The following MAP3K7CL variants were observed in gnomAD, a reference collection of about 807,000 sequenced individuals.
MAP3K7CL encodes the protein MAP3K7 C-terminal like, also known as MAP3K7 C-terminal-like protein.
Under a neutral mutation model 18.6 loss-of-function variants are expected in MAP3K7CL, and 16 were observed. The ratio of observed to expected loss-of-function variants is 0.86; its 90% CI spans 0.58 to 1.31. The LOEUF is 1.31. Ranked by LOEUF, MAP3K7CL falls within the 50% of genes most tolerant of loss-of-function variation. The probability of loss-of-function intolerance (pLI) is 0.00; values close to 1 mark genes in which losing one functional copy is unlikely to be tolerated. For synonymous variants in MAP3K7CL, 65 were observed against 66.8 expected (o/e 0.97, Z 0.13); for missense variants, 163 against 174.4 (o/e 0.93, Z 0.37).
At chr21:29,167,693 A>ATTTTTTTTTTTTTTT (rs35549023) in intron 4 of MAP3K7CL, among the ~76,000 whole-genome samples, 2 of 107,522 alleles carry the variant, frequency 1.9e-5, no homozygotes, top group Non-Finnish European at 3.6e-5. Flanking sequence ...AGAAGGACCA[A>ATTTTTTTTTTTTTTT]TTTTTTTTTT....
At chr21:29,156,017 A>G (rs2087396215) in intron 3 of MAP3K7CL, among the ~76,000 whole-genome samples, 1 of 152,214 alleles carries the variant, frequency 6.6e-6, no homozygotes, top group South Asian at 2.1e-4. Context: ...TTATTCTTCA[A>G]TTTATCAACT....
chr21:29,142,645 G>A (rs917626064), intron 2 of MAP3K7CL, among the ~76,000 whole-genome samples: 2 of 152,102 alleles, frequency 1.3e-5, no homozygotes, highest in African/African-American at 4.8e-5. Context: ...TTACTCCTTT[G>A]GTTGGCTTTA....
intron 4 of MAP3K7CL, among the ~76,000 whole-genome samples, chr21:29,168,438 G>A (rs908512052): frequency 6.6e-5 from 10 of 152,216 alleles, no homozygotes; most frequent in African/African-American, 2.2e-4. Context: ...GCCTGCCTCA[G>A]TTCTTTACTT....
intron 2 of MAP3K7CL, among the ~76,000 whole-genome samples, chr21:29,138,841 TG>T (rs2086940487): frequency 6.6e-6 from 1 of 152,044 alleles, no homozygotes; most frequent in Non-Finnish European, 1.5e-5. Context: ...AAGCCAGGTG[TG>T]GTGGTGCATG....
Position 29,092,992 on chromosome 21 carries a change from C to T in MAP3K7CL, c.370+411C>T, listed in dbSNP as rs1002254613. 3.3e-5 allele frequency among the ~76,000 whole-genome samples: 5 copies of T among 152,198 alleles called. No individual in the cohort carries two copies. The South Asian group carries it at 1.0e-3, about 32-fold the overall frequency. ...GATCTCAGCTCACTGCCACCTCCAC[C>T]TCCTGGGTTCAAGCGATTCTCCTGC... is the stretch of plus-strand genomic sequence containing the variant. On this transcript the variant is annotated intron_variant, in intron 4 of 6. Transcript: ENST00000286791.
At chr21:29,092,303 A>ACT in intron 3 of MAP3K7CL, 6 of 951,488 alleles carry the variant, frequency 6.3e-6, no homozygotes, top group Non-Finnish European at 9.0e-6. Context: ...CCAGATTTAA[A>ACT]CCATTAACAA....
intron 4 of MAP3K7CL, among the ~76,000 whole-genome samples, chr21:29,125,411 G>T (rs917024725): frequency 6.6e-6 from 1 of 152,132 alleles, no homozygotes; most frequent in Non-Finnish European, 1.5e-5. Flanking sequence ...ACCATTGAGT[G>T]GTTCAGTGGT....
At chr21:29,114,188 C>T (rs9984166) in intron 4 of MAP3K7CL, among the ~76,000 whole-genome samples, 67,761 of 151,370 alleles carry the variant, frequency 0.45, 15,348 homozygotes, top group East Asian at 0.63. Context: ...CATGTCTCAG[C>T]CTCCCAAGTA....
rs570117201 is a variant in MAP3K7CL at position 29,135,830 on chromosome 21, A to T, written c.70+2416A>T. On this transcript the variant is annotated intron_variant, in intron 2 of 4. Coordinates refer to ENST00000399928, the MANE Select transcript of MAP3K7CL (RefSeq NM_001286620.2). Reference sequence around the variant, plus strand: ...TCAAAAAAGGATTATAATTTATTTTAAATTATTCCTACCCTCTAGCCCCAC... The same window carrying T: ...TCAAAAAAGGATTATAATTTATTTTTAATTATTCCTACCCTCTAGCCCCAC... Among the ~76,000 whole-genome samples, 6 of 152,310 alleles carry T rather than the reference A, an allele frequency of 3.9e-5. No homozygotes were observed. In the East Asian group the frequency reaches 7.7e-4, roughly 20 times the overall value.
At chr21:29,080,382 T>A (rs2085816221) in intron 1 of MAP3K7CL, among the ~76,000 whole-genome samples, 1 of 152,260 alleles carries the variant, frequency 6.6e-6, no homozygotes, top group Non-Finnish European at 1.5e-5. Flanking sequence ...TGTTTTGGCA[T>A]TTCTGCCATA....
intron 2 of MAP3K7CL, among the ~76,000 whole-genome samples, chr21:29,141,083 G>A: frequency 6.6e-6 from 1 of 152,154 alleles, no homozygotes; most frequent in Non-Finnish European, 1.5e-5. Flanking sequence ...GCCCCAATAA[G>A]TTCTTCTTGA....
At chr21:29,144,347 TGGA>T (rs2087078156) in intron 2 of MAP3K7CL, among the ~76,000 whole-genome samples, 1 of 152,138 alleles carries the variant, frequency 6.6e-6, no homozygotes, top group Non-Finnish European at 1.5e-5. Flanking sequence ...GTATTTTTAG[TGGA>T]GACAGGTTTT....
chr21:29,089,168 CAAAAAAAAAAAAAAAAA>C (rs748166183), intron 1 of MAP3K7CL, among the ~76,000 whole-genome samples: 2,966 of 68,644 alleles, frequency 0.043, 85 homozygotes, highest in Middle Eastern at 0.062. Context: ...GACTCCGTCT[CAAAAAAAAAAAAAAAAA>C]AAAAAAAAAA....
upstream of MAP3K7CL, among the ~76,000 whole-genome samples, chr21:29,126,287 A>G (rs1237736030): frequency 6.6e-6 from 1 of 152,176 alleles, no homozygotes; most frequent in East Asian, 1.9e-4. Context: ...TGTTTTTGGA[A>G]CACAGCCATG....
chr21:29,107,957 A>T (rs1361633198), intron 4 of MAP3K7CL, among the ~76,000 whole-genome samples: 1 of 152,234 alleles, frequency 6.6e-6, no homozygotes, highest in African/African-American at 2.4e-5. Context: ...AAGTTCAGAA[A>T]TGTATTTTGC....
chr21:29,150,244 G>T (rs980240680), intron 3 of MAP3K7CL, among the ~76,000 whole-genome samples: 4 of 152,142 alleles, frequency 2.6e-5, no homozygotes, highest in East Asian at 3.9e-4. Flanking sequence ...GAGCCCTTCC[G>T]CAAGCCAAGA....
At position 29,096,301 on chromosome 21, in the gene MAP3K7CL, A is replaced by C. The variant is rs4817264; in HGVS notation, c.370+3720A>C. On this transcript the variant is annotated intron_variant, in intron 4 of 6. Coordinates refer to the MAP3K7CL transcript ENST00000286791. Reference sequence around the variant, plus strand: ...CAAGCACTATTCTAGGTGCTGGGGAATATATCAGTGAATAAGACAGATGCA... The same window carrying C: ...CAAGCACTATTCTAGGTGCTGGGGACTATATCAGTGAATAAGACAGATGCA... Among the ~76,000 whole-genome samples the C allele has an allele frequency of 6.4e-3, 972 of 152,362 alleles. 34 individuals carry two copies. Among genetic ancestry groups the C allele is most frequent in the Admixed American group, 0.05 (768 of 15,306 alleles).
At chr21:29,109,390 AGCTTT>A in intron 4 of MAP3K7CL, 1 of 1,331,724 alleles carries the variant, frequency 7.5e-7, no homozygotes, top group Non-Finnish European at 9.6e-7. Context: ...AATCAGAGAG[AGCTTT>A]AAAAAATGCT....
At chr21:29,118,336 C>T (rs1038638590) in intron 4 of MAP3K7CL, among the ~76,000 whole-genome samples, 3 of 125,540 alleles carry the variant, frequency 2.4e-5, no homozygotes, top group African/African-American at 6.4e-5. Flanking sequence ...TTGCCTGCCT[C>T]GGCCTCCCAA....
Sources: gnomAD v4.1 joint callset for allele counts (sites outside exome capture counted in the v4.1 genomes callset) on GRCh38, gnomAD v4.1.1 for gene constraint, MANE v1.5 for transcripts, NCBI Gene and HGNC (gene_info 2026-07-23, HGNC 2026-07-21) for gene names.